EML1: variants seen among roughly 807,000 people sequenced by gnomAD.
EML1 encodes echinoderm microtubule-associated protein-like 1.
Under a neutral mutation model 110.4 loss-of-function variants are expected in EML1, and 27 were observed. The observed-to-expected ratio is 0.24, with a 90% CI of 0.18 to 0.34. The LOEUF is 0.34. EML1 is among the 10% of genes least tolerant of loss of function. The probability of loss-of-function intolerance (pLI) is 1.00; values close to 1 mark genes in which losing one functional copy is unlikely to be tolerated. For synonymous variants in EML1, 344 were observed against 385.8 expected, an observed-to-expected ratio of 0.89 and a Z score of 1.27; for missense variants, 741 against 1,030.9, an observed-to-expected ratio of 0.72 and a Z score of 3.85.
intron 4 of EML1, among the ~76,000 whole-genome samples, chr14:99,882,954 G>A (rs1158873295): frequency 6.6e-6 from 1 of 152,190 alleles, no homozygotes; most frequent in Non-Finnish European, 1.5e-5. Context: ...GAACCACTGG[G>A]CTGGACACCT....
At chr14:99,885,999 T>C (rs1206268274) in intron 4 of EML1, 2 of 405,832 alleles carry the variant, frequency 4.9e-6, no homozygotes, top group Non-Finnish European at 9.6e-6. Context: ...GAAATGTCTA[T>C]GAAGCAGTCG....
intron 1 of EML1, among the ~76,000 whole-genome samples, chr14:99,760,511 C>G (rs144375916): frequency 1.3e-5 from 2 of 152,148 alleles, no homozygotes; most frequent in Admixed American, 6.5e-5. Context: ...GTGTTTAGAA[C>G]GCACCGTTCA....
chr14:99,850,844 T>G lies in EML1; in HGVS notation c.68-9T>G. Reference sequence around the variant, plus strand: ...ACTTAAAGCTCACTTGATCCTTTCTTTGGTTTAGATGACAGCGCTTCTGCT... The same window carrying G: ...ACTTAAAGCTCACTTGATCCTTTCTGTGGTTTAGATGACAGCGCTTCTGCT... On this transcript the variant is annotated splice_polypyrimidine_tract_variant and intron_variant, in intron 1 of 21. Transcript: ENST00000262233. 1 of 1,610,044 alleles carries G rather than the reference T, an allele frequency of 6.2e-7. No individual in the cohort carries two copies. Among genetic ancestry groups the G allele is most frequent in the Non-Finnish European group, 8.5e-7 (1 of 1,176,830 alleles).
At chr14:99,771,636 A>T (rs1415539438), upstream of EML1, among the ~76,000 whole-genome samples, 1 of 152,066 alleles carries the variant, frequency 6.6e-6, no homozygotes, top group Non-Finnish European at 1.5e-5. Context: ...ACATGGTGAA[A>T]CCCCATCTCC....
chr14:99,925,340 A>G (rs2060214913), intron 17 of EML1, among the ~76,000 whole-genome samples: 1 of 147,706 alleles, frequency 6.8e-6, no homozygotes, highest in South Asian at 2.1e-4. Context: ...GGCACACTGC[A>G]GCCCTGACCT....
At chr14:99,740,237 A>G (rs1048610437) in intron 1 of EML1, among the ~76,000 whole-genome samples, 1 of 152,172 alleles carries the variant, frequency 6.6e-6, no homozygotes, top group African/African-American at 2.4e-5. Flanking sequence ...AGAGAGGCAC[A>G]TGTGAGGTCA....
intron 3 of EML1, chr14:99,875,116 A>G (rs2059268430): frequency 3.9e-6 from 3 of 760,676 alleles, no homozygotes; most frequent in Non-Finnish European, 6.3e-6. Flanking sequence ...TCATGTAACT[A>G]TATTAATCAT....
chr14:99,848,355 A>G (rs780924319), intron 1 of EML1, among the ~76,000 whole-genome samples: 2 of 152,148 alleles, frequency 1.3e-5, no homozygotes, highest in Non-Finnish European at 2.9e-5. Flanking sequence ...AACCACTAAG[A>G]GAGTAGATTT....
At chr14:99,895,440 C>T (rs759768233) in intron 6 of EML1, among the ~76,000 whole-genome samples, 1 of 152,162 alleles carries the variant, frequency 6.6e-6, no homozygotes, top group Non-Finnish European at 1.5e-5. Context: ...GAAAACTAGG[C>T]ACTCTCTATA....
intron 17 of EML1, among the ~76,000 whole-genome samples, chr14:99,929,826 C>A (rs187926802): frequency 1.0e-3 from 158 of 152,334 alleles, no homozygotes; most frequent in African/African-American, 3.5e-3. Flanking sequence ...GGTAGCAGCA[C>A]CCTGCGCTGC....
chr14:99,921,927 G>T (rs1420897610), intron 17 of EML1, among the ~76,000 whole-genome samples: 2 of 152,120 alleles, frequency 1.3e-5, no homozygotes, highest in Non-Finnish European at 1.5e-5. Flanking sequence ...CCAGTCCGAG[G>T]AAACTACTGA....
intron 1 of EML1, among the ~76,000 whole-genome samples, chr14:99,743,232 C>T (rs1207375251): frequency 6.6e-6 from 1 of 152,144 alleles, no homozygotes; most frequent in Non-Finnish European, 1.5e-5. Context: ...AGGCACAGGT[C>T]GAGCCCCTCC....
intron 2 of EML1, among the ~76,000 whole-genome samples, chr14:99,853,826 C>T (rs2058854609): frequency 6.6e-6 from 1 of 152,098 alleles, no homozygotes; most frequent in East Asian, 1.9e-4. Context: ...CACGCCACCA[C>T]ACCTGCTAAT....
chr14:99,822,014 G>A (rs1183407893), intron 1 of EML1, among the ~76,000 whole-genome samples: 3 of 152,170 alleles, frequency 2.0e-5, no homozygotes, highest in African/African-American at 4.8e-5. Flanking sequence ...TGTGGAATAA[G>A]CAGCAGCCAG....
rs189765003 is a variant in EML1, at chr14:99,855,126, C to T, written c.250+4091C>T. Among the ~76,000 whole-genome samples, 22 of 152,224 alleles carry T rather than the reference C, an allele frequency of 1.4e-4. No individual in the cohort carries two copies. In the East Asian group the frequency reaches 2.1e-3, roughly 15 times the overall value. The stretch of plus-strand genomic sequence containing the variant: ...ACTGGTACAAGAGGGAAAATGCTTA[C>T]GCATTACATTGAGTCAAATGCAGGC... On this transcript the variant is annotated intron_variant, in intron 2 of 21. Transcript: ENST00000262233.
rs866649922 is a variant in EML1, at chr14:99,939,128, C to T, written c.2192-69C>T. 7 of 1,578,712 alleles carry T rather than the reference C, an allele frequency of 4.4e-6. No homozygotes were observed. Among genetic ancestry groups the T allele is most frequent in the African/African-American group, 2.7e-5 (2 of 73,374 alleles). ...TTCATGTTCAGGACCGTTCAGTGGGCGCTTCCTGCGCCATGTGGCCCTGTG... is the reference window on the plus strand; with the variant it reads ...TTCATGTTCAGGACCGTTCAGTGGGTGCTTCCTGCGCCATGTGGCCCTGTG... On this transcript the variant is annotated intron_variant, in intron 20 of 21. Transcript: ENST00000262233. This position sits in a 1 kb window ranked among gnomAD's most constrained non-coding sequence, Gnocchi z 4.2.
chr14:99,903,783 TCA>T lies in EML1; in HGVS notation c.1008+2745_1008+2746del, dbSNP rs1491554116. Among the ~76,000 whole-genome samples the T allele has an allele frequency of 1.1e-4, 11 of 96,114 alleles. 3 individuals are homozygous for T. Among genetic ancestry groups the T allele is most frequent in the East Asian group, 2.8e-4 (1 of 3,610 alleles). 63.1% of individuals were successfully genotyped at this position (96,114 alleles called of 152,430 possible). Reference sequence around the variant, plus strand: ...AACAAAATCTCATAGATAAATCTATTCATTTTTTTTTTTTTTTTGAGACAGAG... The same window carrying T: ...AACAAAATCTCATAGATAAATCTATTTTTTTTTTTTTTTTTTGAGACAGAG... On this transcript the variant is annotated intron_variant, in intron 9 of 21. Transcript: ENST00000262233.
At chr14:99,750,043 A>T (rs2057157902) in intron 1 of EML1, among the ~76,000 whole-genome samples, 1 of 152,132 alleles carries the variant, frequency 6.6e-6, no homozygotes, top group Non-Finnish European at 1.5e-5. Context: ...TCTGCCCCTT[A>T]TCAGGGAACT....
At chr14:99,822,227 C>A (rs1279203336) in intron 1 of EML1, among the ~76,000 whole-genome samples, 9 of 152,138 alleles carry the variant, frequency 5.9e-5, no homozygotes, top group African/African-American at 2.2e-4. Context: ...CCTTTTGAGA[C>A]CATAGCTCCA....
Sources: gnomAD v4.1 joint callset for allele counts (sites outside exome capture counted in the v4.1 genomes callset) on GRCh38, gnomAD v4.1.1 for gene constraint, Gnocchi (gnomAD v3.1) non-coding constraint, MANE v1.5 for transcripts, NCBI Gene and HGNC (gene_info 2026-07-23, HGNC 2026-07-21) for gene names.